TMEM138: variants seen among roughly 807,000 people sequenced by gnomAD.
TMEM138 encodes the protein transmembrane protein 138.
Under a neutral mutation model 18.1 loss-of-function variants are expected in TMEM138, and 9 were observed. The observed-to-expected ratio is 0.50, with a 90% CI of 0.30 to 0.87. TMEM138 has a LOEUF of 0.87. Ranked by LOEUF, TMEM138 falls within the 40% of genes least tolerant of loss-of-function variation. TMEM138 has a pLI of 0.06. For missense variants in TMEM138, 189 were observed against 190.6 expected (o/e 0.99, Z 0.05); for synonymous variants, 79 against 74.8 (o/e 1.06, Z -0.29).
downstream of TMEM138, among the ~76,000 whole-genome samples, chr11:61,374,167 A>AG (rs1858404248): frequency 1.3e-5 from 1 of 79,368 alleles, no homozygotes; most frequent in Non-Finnish European, 2.3e-5. Flanking sequence ...TTTTTTTTTG[A>AG]GACAGAGTTT....
At chr11:61,371,481 G>T (rs933790544), downstream of TMEM138, among the ~76,000 whole-genome samples, 1 of 152,234 alleles carries the variant, frequency 6.6e-6, no homozygotes, top group Non-Finnish European at 1.5e-5. Context: ...ACCCTTTCAA[G>T]ATGTCCTATA....
At chr11:61,366,529 G>A (rs886631436) in intron 3 of TMEM138, 10 of 218,092 alleles carry the variant, frequency 4.6e-5, no homozygotes, top group African/African-American at 1.7e-4. Flanking sequence ...GTGCAGTGGC[G>A]TGATCTCAGC....
rs148324088 is a variant in TMEM138 at position 61,368,665 on chromosome 11, G to C, written c.445G>C (p.Asp149His). ...ACTAGGCGATCCTCACTTCTACCAG[G>C]ACTCTTTGTGGCTGCGCAAGGAGTT... ...VRLGDPHFYQ[D>H]SLWLRKEFMQ... Residue 149 changes from aspartate (D) to histidine (H), a missense_variant, in exon 5 of 5, where the codon GAC becomes CAC. Transcript: ENST00000278826. 1.9e-6 allele frequency: 3 copies of C among 1,614,108 alleles called. No homozygotes were observed. The highest frequency in any genetic ancestry group is 2.7e-5 in the African/African-American group (2 of 75,046).
intron 2 of TMEM138, among the ~76,000 whole-genome samples, chr11:61,365,469 A>T (rs990317083): frequency 2.0e-5 from 3 of 151,940 alleles, no homozygotes; most frequent in African/African-American, 7.2e-5. Flanking sequence ...TTTAGTAGAG[A>T]CGGGGTTTTG....
At chr11:61,375,005 G>A (rs1291449530), downstream of TMEM138, among the ~76,000 whole-genome samples, 3 of 152,038 alleles carry the variant, frequency 2.0e-5, no homozygotes, top group Non-Finnish European at 4.4e-5. Flanking sequence ...CCTGAATAAG[G>A]TTTCTGATAA....
downstream of TMEM138, among the ~76,000 whole-genome samples, chr11:61,373,514 T>C (rs547856241): frequency 4.6e-5 from 7 of 152,254 alleles, no homozygotes; most frequent in East Asian, 1.3e-3. Flanking sequence ...TTTTACCTTT[T>C]TTTTTTTTTG....
intron 4 of TMEM138, 169 bp from the exon 5 acceptor site, chr11:61,368,428 C>T (rs1167386275): frequency 1.2e-5 from 7 of 563,274 alleles, no homozygotes; most frequent in South Asian, 2.0e-5. Context: ...AGGGTTTCAC[C>T]GTGTTAGCCA....
At chr11:61,368,393 T>C (rs574821414) in intron 4 of TMEM138, 39 of 528,020 alleles carry the variant, frequency 7.4e-5, no homozygotes, top group African/African-American at 7.3e-4. Flanking sequence ...GCCCAGCTAA[T>C]TTTTTGTGTA....
chr11:61,372,051 G>T (rs760578750), downstream of TMEM138, among the ~76,000 whole-genome samples: 1 of 151,644 alleles, frequency 6.6e-6, no homozygotes. Flanking sequence ...TGGCACATGC[G>T]TGTAATCCCA....
downstream of TMEM138, among the ~76,000 whole-genome samples, chr11:61,371,136 G>A (rs559704133): frequency 3.3e-5 from 5 of 152,230 alleles, no homozygotes; most frequent in African/African-American, 1.2e-4. Flanking sequence ...CTGGGTTCAA[G>A]TGATTCTCCT....
downstream of TMEM138, among the ~76,000 whole-genome samples, chr11:61,375,219 T>A (rs1374762875): frequency 6.6e-6 from 1 of 152,196 alleles, no homozygotes; most frequent in African/African-American, 2.4e-5. Flanking sequence ...TTAAGCTATT[T>A]ATAGCTTTAA....
chr11:61,373,700 G>T (rs1386319254), downstream of TMEM138, among the ~76,000 whole-genome samples: 12 of 151,844 alleles, frequency 7.9e-5, no homozygotes, highest in African/African-American at 2.9e-4. Flanking sequence ...GACATATTTG[G>T]CTTACTTGGT....
downstream of TMEM138, among the ~76,000 whole-genome samples, chr11:61,373,123 C>T (rs997581599): frequency 6.6e-5 from 10 of 152,134 alleles, no homozygotes; most frequent in African/African-American, 1.9e-4. Flanking sequence ...CCCATCTTCA[C>T]GCCCGGTAGA....
intron 2 of TMEM138, chr11:61,364,764 A>G: frequency 2.7e-6 from 1 of 374,226 alleles, no homozygotes; most frequent in Non-Finnish European, 4.9e-6. Context: ...GCATGGTGCC[A>G]CACACCTGTA....
rs1590623811 is a variant in TMEM138 at position 61,364,304 on chromosome 11, T to C, written c.-87T>C. 6.6e-7 allele frequency: 1 copy of C among 1,519,988 alleles called. No individual in the cohort carries two copies. Among genetic ancestry groups the C allele is most frequent in the East Asian group, 2.3e-5 (1 of 44,152 alleles). The allele number at this position is 1,519,988 out of a possible 1,614,324, so 94.2% of individuals were successfully genotyped here. The stretch of plus-strand genomic sequence containing the variant: ...CTCTCATTCAAAGGAACTAGAAGCC[T>C]CTCCCTCAGTGGTAGGGAGACAGCC... On this transcript the variant is annotated 5_prime_UTR_variant, in exon 2 of 5. Coordinates refer to ENST00000278826, the MANE Select transcript of TMEM138 (RefSeq NM_016464.5).
chr11:61,374,143 CTTTTTTT>C (rs768260657), downstream of TMEM138, among the ~76,000 whole-genome samples: 1 of 125,638 alleles, frequency 8.0e-6, no homozygotes, highest in Non-Finnish European at 1.7e-5. Context: ...GCGCCCAGTC[CTTTTTTT>C]TTTTTTTTTT....
At chr11:61,368,119 C>T (rs1400975225) in intron 4 of TMEM138, 121 bp downstream of exon 4, 2 of 787,262 alleles carry the variant, frequency 2.5e-6, no homozygotes, top group South Asian at 2.7e-5. Flanking sequence ...GACAGCCACA[C>T]CAGGAACAGG....
chr11:61,371,953 G>A (rs975998559), downstream of TMEM138, among the ~76,000 whole-genome samples: 1 of 152,106 alleles, frequency 6.6e-6, no homozygotes, highest in Non-Finnish European at 1.5e-5. Flanking sequence ...GAGGTGGGGT[G>A]GATCACGAGG....
At chr11:61,364,572 G>C (rs1858070186) in intron 2 of TMEM138, 54 bp downstream of exon 2, 1 of 1,608,530 alleles carries the variant, frequency 6.2e-7, no homozygotes, top group Non-Finnish European at 8.5e-7. Flanking sequence ...CAAAGGCCCT[G>C]ACAGTGGTGA....
Sources: allele counts gnomAD v4.1 joint callset (sites outside exome capture counted in the v4.1 genomes callset), GRCh38; gene constraint gnomAD v4.1.1; transcripts MANE v1.5; gene names NCBI Gene and HGNC (gene_info 2026-07-23, HGNC 2026-07-21).